The following RAD51B variants were observed in gnomAD, a reference collection of about 807,000 sequenced individuals.
RAD51B encodes RAD51 paralog B, also known as DNA repair protein RAD51 homolog 2.
A neutral mutation model predicts 42.2 loss-of-function variants in RAD51B; 38 were observed. The ratio of observed to expected loss-of-function variants is 0.90; its 90% CI spans 0.70 to 1.18. The LOEUF is 1.18. Ranked by LOEUF, RAD51B falls within the 50% of genes most tolerant of loss-of-function variation. The pLI is 0.00. For missense variants in RAD51B, 373 were observed against 400.7 expected (o/e 0.93, Z 0.59); for synonymous variants, 154 against 145.2 (o/e 1.06, Z -0.43).
intron 4 of RAD51B, 56 bp downstream of exon 4, chr14:67,835,252 G>A (rs2041197347): frequency 8.0e-7 from 1 of 1,251,368 alleles, no homozygotes; most frequent in Non-Finnish European, 1.1e-6. Flanking sequence ...TCAGAGCTAG[G>A]GAAAAAGTTT....
intron 7 of RAD51B, among the ~76,000 whole-genome samples, chr14:68,098,883 T>A (rs1053435063): frequency 3.3e-5 from 5 of 152,190 alleles, no homozygotes; most frequent in Non-Finnish European, 7.3e-5. Flanking sequence ...AGACAAGTTG[T>A]GTCCATGGCG....
chr14:68,625,665 T>G (rs1892061539), intron 10 of RAD51B, among the ~76,000 whole-genome samples: 1 of 152,182 alleles, frequency 6.6e-6, no homozygotes, highest in South Asian at 2.1e-4. Flanking sequence ...CTGACCTATG[T>G]TCCCACTTCT....
chr14:68,329,858 T>G (rs1394287239), intron 8 of RAD51B, among the ~76,000 whole-genome samples: 1 of 151,820 alleles, frequency 6.6e-6, no homozygotes. Context: ...GCTGCACACC[T>G]GTAGTCCCAG....
intron 7 of RAD51B, among the ~76,000 whole-genome samples, chr14:68,237,299 C>T (rs1331271744): frequency 6.6e-6 from 1 of 152,120 alleles, no homozygotes; most frequent in East Asian, 1.9e-4. Flanking sequence ...CTGCTGTTAA[C>T]TGAAGCAATG....
intron 7 of RAD51B, among the ~76,000 whole-genome samples, chr14:67,945,893 T>C (rs1024966901): frequency 6.6e-6 from 1 of 152,220 alleles, no homozygotes; most frequent in Non-Finnish European, 1.5e-5. Flanking sequence ...GTCCATAGTC[T>C]GCACAAATTT....
At chr14:68,271,025 C>A (rs768995505) in intron 7 of RAD51B, among the ~76,000 whole-genome samples, 1 of 152,142 alleles carries the variant, frequency 6.6e-6, no homozygotes, top group Admixed American at 6.6e-5. Context: ...GTTCATATTT[C>A]TTTTTCCCAT....
chr14:68,563,066 G>C lies in RAD51B; in HGVS notation c.1037-31419G>C, dbSNP rs148969616. ...GGCCGCTTCTCTAGCCAGTGGGAGG[G>C]CAGAGGCTGGCAGAAAAGCCTCCGT... is the stretch of plus-strand genomic sequence containing the variant. On this transcript the variant is annotated intron_variant, in intron 10 of 10. Coordinates refer to the RAD51B transcript ENST00000487270. 1.3e-3 allele frequency: 1,284 copies of C among 985,442 alleles called. 14 individuals carry two copies. The African/African-American group carries it at 0.021, about 16-fold the overall frequency. The allele number at this position is 985,442 out of a possible 1,614,324, so 61.0% of individuals were successfully genotyped here. A position where few individuals can be genotyped will look rare whatever the true frequency, so the allele number is the denominator to read the frequency against.
At chr14:68,246,292 T>C (rs1380866941) in intron 7 of RAD51B, among the ~76,000 whole-genome samples, 1 of 151,350 alleles carries the variant, frequency 6.6e-6, no homozygotes, top group Admixed American at 6.6e-5. Context: ...AGCAGATTAT[T>C]GGAAAGCCTT....
chr14:67,871,558 A>G (rs1234148136), intron 5 of RAD51B, among the ~76,000 whole-genome samples: 5 of 152,338 alleles, frequency 3.3e-5, no homozygotes, highest in African/African-American at 1.2e-4. Context: ...ATCAATAGAA[A>G]AAGAGGGAAT....
intron 7 of RAD51B, among the ~76,000 whole-genome samples, chr14:67,958,790 G>A (rs184238500): frequency 6.6e-6 from 1 of 152,242 alleles, no homozygotes; most frequent in Admixed American, 6.5e-5. Context: ...TTGTAAACTT[G>A]CATCACTCTA....
intron 7 of RAD51B, among the ~76,000 whole-genome samples, chr14:68,230,501 T>C (rs1349512560): frequency 1.3e-5 from 2 of 152,218 alleles, no homozygotes; most frequent in Admixed American, 6.5e-5. Flanking sequence ...GGGAAGGCCC[T>C]GTACCTTAGA....
At chr14:68,586,187 G>T (rs892333308) in intron 10 of RAD51B, among the ~76,000 whole-genome samples, 1 of 152,084 alleles carries the variant, frequency 6.6e-6, no homozygotes, top group Non-Finnish European at 1.5e-5. Flanking sequence ...CCTGTTCCGA[G>T]GACAGTAGAT....
intron 7 of RAD51B, among the ~76,000 whole-genome samples, chr14:68,221,358 A>G (rs963249203): frequency 1.1e-4 from 16 of 152,234 alleles, no homozygotes; most frequent in African/African-American, 3.9e-4. Flanking sequence ...GACCAATGAA[A>G]CAGAATAGAG....
intron 10 of RAD51B, among the ~76,000 whole-genome samples, chr14:68,512,394 C>T (rs1352018458): frequency 6.6e-6 from 1 of 152,230 alleles, no homozygotes; most frequent in African/African-American, 2.4e-5. Flanking sequence ...TTGTTTACCT[C>T]TATGTGGATA....
At chr14:68,173,156 A>G (rs571242210) in intron 7 of RAD51B, among the ~76,000 whole-genome samples, 4 of 152,192 alleles carry the variant, frequency 2.6e-5, no homozygotes, top group Non-Finnish European at 5.9e-5. Flanking sequence ...GCAAATTCAA[A>G]TAAGTGTACA....
chr14:68,577,269 C>A (rs1446934114), intron 10 of RAD51B, among the ~76,000 whole-genome samples: 2 of 152,144 alleles, frequency 1.3e-5, no homozygotes, highest in Non-Finnish European at 2.9e-5. Context: ...AGTTCATGGA[C>A]ACCCAAGGAA....
intron 7 of RAD51B, among the ~76,000 whole-genome samples, chr14:68,267,750 T>C (rs556870107): frequency 8.0e-4 from 122 of 152,364 alleles, no homozygotes; most frequent in African/African-American, 2.8e-3. Context: ...TGGGCTGATA[T>C]ATCTGAGTTA....
intron 7 of RAD51B, among the ~76,000 whole-genome samples, chr14:68,219,836 A>T (rs1196108418): frequency 6.6e-6 from 1 of 152,194 alleles, no homozygotes; most frequent in African/African-American, 2.4e-5. Flanking sequence ...ACCAAGGTGA[A>T]ATCTCTGAAT....
rs74901217 is a variant in RAD51B, at chr14:68,469,655, G to T, written c.1036+1405G>T. ...TGTATAACTAATAAGCAATCAGAAA[G>T]CTGGACTTTTATTTACCCAGTACAC... On this transcript the variant is annotated intron_variant, in intron 10 of 10. Transcript: ENST00000471583. Among the ~76,000 whole-genome samples the T allele has an allele frequency of 3.4e-3, 516 of 152,320 alleles. 4 individuals are homozygous for T. Among genetic ancestry groups the T allele is most frequent in the African/African-American group, 0.012 (492 of 41,562 alleles).
Sources: allele counts gnomAD v4.1 joint callset (sites outside exome capture counted in the v4.1 genomes callset), GRCh38; gene constraint gnomAD v4.1.1; transcripts MANE v1.5; gene names NCBI Gene and HGNC (gene_info 2026-07-23, HGNC 2026-07-21).